DLGAP1: variants seen among roughly 807,000 people sequenced by gnomAD.
DLGAP1 encodes DLG associated protein 1.
DLGAP1 carries 11 observed loss-of-function variants against 90.8 expected under a neutral mutation model. The observed-to-expected ratio is 0.12, with a 90% CI of 0.08 to 0.20. DLGAP1 has a LOEUF of 0.20. DLGAP1 is among the 10% of genes least tolerant of loss of function. The pLI, the probability that DLGAP1 is intolerant of heterozygous loss-of-function variation, is 1.00. For synonymous variants in DLGAP1, 558 were observed against 540.7 expected (o/e 1.03, Z -0.44); for missense variants, 1,050 against 1,333.8 (o/e 0.79, Z 3.31).
chr18:3,653,946 A>G lies in DLGAP1; in HGVS notation c.1592-71698T>C, dbSNP rs941424936. The stretch of plus-strand genomic sequence containing the variant: ...CTGAGGTTTGATTTCTCATCAAGAG[A>G]TAGTGTCCGACACACGTGCCACTGA... On this transcript the variant is annotated intron_variant, in intron 7 of 12. Coordinates refer to ENST00000315677, the MANE Select transcript of DLGAP1 (RefSeq NM_004746.4). The surrounding 1 kb of genome is among the most constrained non-coding windows in gnomAD (Gnocchi z 4.6). 8 of 148,526 alleles carry G rather than the reference A, an allele frequency of 5.4e-5. No homozygotes were observed. The highest frequency in any genetic ancestry group is 2.1e-4 in the African/African-American group (8 of 38,254). The allele number at this position is 148,526 out of a possible 1,614,324, so 9.2% of individuals were successfully genotyped here.
At chr18:3,710,987 G>C (rs1156726606) in intron 7 of DLGAP1, among the ~76,000 whole-genome samples, 1 of 152,210 alleles carries the variant, frequency 6.6e-6, no homozygotes, top group African/African-American at 2.4e-5. Flanking sequence ...AGAGGTCAGA[G>C]GGCAGGGCTA....
chr18:4,133,204 A>G (rs2076345913), intron 2 of DLGAP1, among the ~76,000 whole-genome samples: 1 of 152,162 alleles, frequency 6.6e-6, no homozygotes, highest in Non-Finnish European at 1.5e-5. Context: ...TTTGGGAGAC[A>G]GAGAAATCCA....
At chr18:4,230,298 G>T (rs1288141667) in intron 1 of DLGAP1, among the ~76,000 whole-genome samples, 1 of 152,046 alleles carries the variant, frequency 6.6e-6, no homozygotes, top group Non-Finnish European at 1.5e-5. Flanking sequence ...TGCAAAGAAA[G>T]TGAATTCGTA....
intron 4 of DLGAP1, among the ~76,000 whole-genome samples, chr18:3,856,657 C>A (rs562632690): frequency 6.6e-6 from 1 of 151,994 alleles, no homozygotes; most frequent in Non-Finnish European, 1.5e-5. Context: ...GTCAGGAGAT[C>A]GAGACCATCC....
chr18:3,506,159 A>AC (rs1197840940), intron 11 of DLGAP1, among the ~76,000 whole-genome samples: 13 of 151,688 alleles, frequency 8.6e-5, no homozygotes, highest in Admixed American at 7.9e-4. Flanking sequence ...AATAGCTTGA[A>AC]CCAGGAGGTG....
chr18:4,436,674 A>G (rs1567921610), intron 1 of DLGAP1, among the ~76,000 whole-genome samples: 1 of 152,184 alleles, frequency 6.6e-6, no homozygotes, highest in Non-Finnish European at 1.5e-5. Flanking sequence ...CTGAGGTTCA[A>G]ATTACAGAAT....
chr18:3,966,913 G>T (rs1049948804), intron 3 of DLGAP1, among the ~76,000 whole-genome samples: 4 of 152,148 alleles, frequency 2.6e-5, no homozygotes, highest in Admixed American at 2.0e-4. Context: ...AGAGGAGAAG[G>T]TCATCAGGAA....
At chr18:3,685,474 G>C (rs920242355) in intron 7 of DLGAP1, among the ~76,000 whole-genome samples, 4 of 147,678 alleles carry the variant, frequency 2.7e-5, no homozygotes, top group Admixed American at 2.1e-4. Context: ...TGAGGCAGGA[G>C]AATGGCGTGA....
intron 4 of DLGAP1, among the ~76,000 whole-genome samples, chr18:3,820,311 A>C (rs1309592971): frequency 6.6e-6 from 1 of 152,242 alleles, no homozygotes; most frequent in Non-Finnish European, 1.5e-5. Context: ...TCTGTGAGCT[A>C]TTCTGGGTTG....
intron 10 of DLGAP1, among the ~76,000 whole-genome samples, chr18:3,509,067 T>A (rs1406033711): frequency 3.3e-5 from 5 of 151,838 alleles, no homozygotes; most frequent in African/African-American, 1.2e-4. Context: ...GAGTCAGCCG[T>A]CATGGTCGGC....
intron 3 of DLGAP1, among the ~76,000 whole-genome samples, chr18:3,974,291 G>C (rs1381177634): frequency 6.6e-6 from 1 of 152,074 alleles, no homozygotes; most frequent in Non-Finnish European, 1.5e-5. Context: ...GGCCAGGATA[G>C]TCTCAATCTC....
intron 7 of DLGAP1, among the ~76,000 whole-genome samples, chr18:3,689,968 G>T (rs963628529): frequency 6.6e-6 from 1 of 151,270 alleles, no homozygotes; most frequent in Admixed American, 6.6e-5. Context: ...TAAAATCCTG[G>T]CATATAGTTT....
intron 5 of DLGAP1, among the ~76,000 whole-genome samples, chr18:3,791,535 C>T (rs772526268): frequency 6.6e-5 from 10 of 151,482 alleles, no homozygotes; most frequent in East Asian, 2.0e-4. Flanking sequence ...TGTGTGTGCA[C>T]GCATGTGTGT....
At chr18:4,064,517 C>T (rs2075344496) in intron 2 of DLGAP1, among the ~76,000 whole-genome samples, 1 of 151,830 alleles carries the variant, frequency 6.6e-6, no homozygotes, top group African/African-American at 2.4e-5. Flanking sequence ...GGGACATCAC[C>T]ACTGACCCCA....
chr18:4,360,674 A>G (rs550394), intron 1 of DLGAP1, among the ~76,000 whole-genome samples: 152,275 of 152,306 alleles, frequency 1, 76,122 homozygotes, highest in Middle Eastern at 1. Flanking sequence ...TGGAATGAAA[A>G]GAGAATCAAA....
At chr18:4,284,141 A>C (rs591285) in intron 1 of DLGAP1, among the ~76,000 whole-genome samples, 149,688 of 150,026 alleles carry the variant, frequency 1, 74,678 homozygotes, top group Middle Eastern at 1. Context: ...GTGCACTATG[A>C]TCCACCTGTG....
intron 3 of DLGAP1, among the ~76,000 whole-genome samples, chr18:3,942,535 G>A (rs7228206): frequency 0.7 from 106,740 of 152,070 alleles, 37,563 homozygotes; most frequent in African/African-American, 0.73. Flanking sequence ...CAAAGCGATG[G>A]CATCTGAATT....
At chr18:3,905,718 A>T (rs1376804787) in intron 3 of DLGAP1, among the ~76,000 whole-genome samples, 2 of 152,182 alleles carry the variant, frequency 1.3e-5, no homozygotes, top group African/African-American at 4.8e-5. Flanking sequence ...GGACCATAAA[A>T]ATAGCCATGT....
At chr18:3,979,723 A>G (rs775438699) in intron 3 of DLGAP1, among the ~76,000 whole-genome samples, 2 of 152,264 alleles carry the variant, frequency 1.3e-5, no homozygotes, top group Non-Finnish European at 2.9e-5. Flanking sequence ...ACAAAAAATG[A>G]TAAATTGGGA....
Sources: gnomAD v4.1 joint callset for allele counts (sites outside exome capture counted in the v4.1 genomes callset) on GRCh38, gnomAD v4.1.1 for gene constraint, Gnocchi (gnomAD v3.1) non-coding constraint, MANE v1.5 for transcripts, NCBI Gene and HGNC (gene_info 2026-07-23, HGNC 2026-07-21) for gene names.